Variants in B4GALT6 observed in about 807,000 individuals in gnomAD.
B4GALT6 encodes the protein beta-1,4-galactosyltransferase 6.
In B4GALT6, 14 loss-of-function variants were observed where a neutral mutation model predicts 46.3. The observed-to-expected ratio is 0.30, with a 90% confidence interval of 0.20 to 0.47. The LOEUF (loss-of-function observed/expected upper bound fraction) is 0.47. B4GALT6 is among the 20% of genes least tolerant of loss of function. The pLI, the probability that B4GALT6 is intolerant of heterozygous loss-of-function variation, is 0.99. For synonymous variants in B4GALT6, 168 were observed against 162.0 expected (o/e 1.04, Z -0.28); for missense variants, 386 against 480.1 (o/e 0.80, Z 1.83).
At chr18:31,682,975 T>G (rs1311381728) in intron 1 of B4GALT6, among the ~76,000 whole-genome samples, 1 of 152,222 alleles carries the variant, frequency 6.6e-6, no homozygotes, top group Non-Finnish European at 1.5e-5. Flanking sequence ...GTGAGGTTTT[T>G]TGTTTTTTCT....
intron 4 of B4GALT6, among the ~76,000 whole-genome samples, chr18:31,640,549 T>C (rs766014373): frequency 6.6e-6 from 1 of 152,208 alleles, no homozygotes; most frequent in Non-Finnish European, 1.5e-5. Flanking sequence ...ATGAGGCTGA[T>C]GTTTTCATGA....
the B4GALT6 span, among the ~76,000 whole-genome samples, chr18:31,693,333 A>G: frequency 5.3e-5 from 8 of 152,248 alleles, no homozygotes; most frequent in Non-Finnish European, 8.8e-5. Flanking sequence ...GGTGGAACAT[A>G]TGATGGCACT....
chr18:31,691,635 G>A, the B4GALT6 span, among the ~76,000 whole-genome samples: 21 of 151,972 alleles, frequency 1.4e-4, no homozygotes, highest in African/African-American at 4.8e-4. Flanking sequence ...AATGTCATAA[G>A]GCTCATAAGA....
chr18:31,658,187 A>C, intron 2 of B4GALT6, 98 bp from the exon 3 acceptor site: 1 of 825,542 alleles, frequency 1.2e-6, no homozygotes, highest in East Asian at 2.5e-5. Flanking sequence ...AAACTACAAT[A>C]TACAATCTAC....
the B4GALT6 span, among the ~76,000 whole-genome samples, chr18:31,695,289 A>G: frequency 8.7e-6 from 1 of 115,350 alleles, no homozygotes; most frequent in Non-Finnish European, 2.1e-5. Context: ...CCTCCCTGAA[A>G]TTAAAAAAAA....
At chr18:31,717,753 G>A in the B4GALT6 span, among the ~76,000 whole-genome samples, 11 of 151,962 alleles carry the variant, frequency 7.2e-5, no homozygotes, top group African/African-American at 1.5e-4. Flanking sequence ...TCAGGAGTTC[G>A]AGACCAGCCT....
At chr18:31,701,229 G>A in the B4GALT6 span, among the ~76,000 whole-genome samples, 14 of 152,198 alleles carry the variant, frequency 9.2e-5, no homozygotes, top group East Asian at 1.5e-3. Context: ...TTCTTGTGGT[G>A]GTGAGTGAGT....
the B4GALT6 span, among the ~76,000 whole-genome samples, chr18:31,699,079 CAAAAAAA>C: frequency 3.6e-5 from 3 of 82,310 alleles, no homozygotes; most frequent in Non-Finnish European, 7.3e-5. Flanking sequence ...GACTCTGTCT[CAAAAAAA>C]AAAAAAAAGA....
intron 1 of B4GALT6, among the ~76,000 whole-genome samples, chr18:31,676,455 C>A (rs1344141369): frequency 6.6e-6 from 1 of 152,154 alleles, no homozygotes; most frequent in Non-Finnish European, 1.5e-5. Context: ...ATTACAATGT[C>A]TCTAATAATT....
chr18:31,653,189 T>A (rs1365035499), intron 3 of B4GALT6, among the ~76,000 whole-genome samples: 1 of 151,798 alleles, frequency 6.6e-6, no homozygotes, highest in African/African-American at 2.4e-5. Context: ...GCCCTCAGAT[T>A]CCTCAGTCCT....
chr18:31,656,855 C>T (rs1170613265), intron 3 of B4GALT6, among the ~76,000 whole-genome samples: 1 of 152,068 alleles, frequency 6.6e-6, no homozygotes, highest in African/African-American at 2.4e-5. Flanking sequence ...AATAACCAAC[C>T]AGGAACTGAT....
chr18:31,622,352 A>T lies in B4GALT6; in HGVS notation c.*3262T>A, dbSNP rs1886092851. The T allele has an allele frequency of 6.6e-6, 1 of 152,136 alleles. No individual in the cohort carries two copies. Among genetic ancestry groups the T allele is most frequent in the Non-Finnish European group, 1.5e-5 (1 of 67,944 alleles). 9.4% of individuals were successfully genotyped at this position (152,136 alleles called of 1,614,324 possible). On this transcript the variant is annotated 3_prime_UTR_variant, in exon 9 of 9. Transcript: ENST00000306851. ...ACAAGAAATTACTAGCATTTATTTC[A>T]GTGCATTTATGTAGAAGCCTTTCAT...
intron 1 of B4GALT6, among the ~76,000 whole-genome samples, chr18:31,668,074 G>A (rs1413378577): frequency 6.6e-6 from 1 of 150,914 alleles, no homozygotes; most frequent in African/African-American, 2.4e-5. Context: ...TCCAGCCTGG[G>A]CGAGGGAGCA....
chr18:31,711,979 A>G, the B4GALT6 span, among the ~76,000 whole-genome samples: 5 of 152,300 alleles, frequency 3.3e-5, no homozygotes, highest in African/African-American at 9.6e-5. Context: ...TGATAGCTCT[A>G]TAAGAGCACA....
intron 1 of B4GALT6, among the ~76,000 whole-genome samples, chr18:31,667,846 G>C (rs975556063): frequency 6.6e-6 from 1 of 152,110 alleles, no homozygotes; most frequent in Admixed American, 6.6e-5. Context: ...ACTCACGCCT[G>C]TAATTCCTGG....
chr18:31,685,238 C>T (rs1428284425), upstream of B4GALT6, among the ~76,000 whole-genome samples: 1 of 150,776 alleles, frequency 6.6e-6, no homozygotes, highest in Non-Finnish European at 1.5e-5. Flanking sequence ...CGCCGCGCGC[C>T]CGGGGTGAGG....
intron 1 of B4GALT6, among the ~76,000 whole-genome samples, chr18:31,683,342 C>T (rs547720723): frequency 2.6e-5 from 4 of 152,132 alleles, no homozygotes; most frequent in Non-Finnish European, 5.9e-5. Flanking sequence ...CTGGCTCAAA[C>T]GACCACAGTG....
the B4GALT6 span, among the ~76,000 whole-genome samples, chr18:31,692,518 G>A: frequency 2.0e-5 from 3 of 150,696 alleles, no homozygotes; most frequent in East Asian, 5.9e-4. Context: ...AGGCTAGGAA[G>A]CATTTGATAT....
rs997130338 is a variant in B4GALT6 at position 31,623,195 on chromosome 18, A to C, written c.*2419T>G. On this transcript the variant is annotated 3_prime_UTR_variant, in exon 9 of 9. Transcript: ENST00000306851. ...AATTTGCATTTGCAATGTATTTGTT[A>C]ATCTTTATGTAATAATTAATACAAT... 8 of 152,088 alleles carry C rather than the reference A, an allele frequency of 5.3e-5. No individual in the cohort carries two copies. The highest frequency in any genetic ancestry group is 1.0e-4 in the Non-Finnish European group (7 of 67,910). The allele number at this position is 152,088 out of a possible 1,614,324, so 9.4% of individuals were successfully genotyped here.
Sources: allele counts gnomAD v4.1 joint callset (sites outside exome capture counted in the v4.1 genomes callset), GRCh38; gene constraint gnomAD v4.1.1; transcripts MANE v1.5; gene names NCBI Gene and HGNC (gene_info 2026-07-23, HGNC 2026-07-21).